CSMD1: variants seen among roughly 807,000 people sequenced by gnomAD.
CSMD1 encodes CUB and sushi domain-containing protein 1.
CSMD1 carries 213 observed loss-of-function variants against 417.5 expected under a neutral mutation model. That is an observed-to-expected ratio of 0.51 (90% CI 0.46 to 0.57). The LOEUF is 0.57. Among genes scored for constraint, CSMD1 ranks in the 20% least tolerant of loss-of-function variants. The probability of loss-of-function intolerance (pLI) is 0.00; values close to 1 mark genes in which losing one functional copy is unlikely to be tolerated. For missense variants in CSMD1, 6,923 were observed against 4,529.7 expected (o/e 1.53, Z -15.17); for synonymous variants, 2,862 against 1,736.8 (o/e 1.65, Z -16.11).
chr8:3,350,937 C>A (rs561473335), intron 21 of CSMD1, among the ~76,000 whole-genome samples: 1 of 152,220 alleles, frequency 6.6e-6, no homozygotes, highest in African/African-American at 2.4e-5. Context: ...CAAAATTAAC[C>A]ATCCCGTTGT....
At chr8:4,792,755 T>C (rs1416475287) in intron 1 of CSMD1, among the ~76,000 whole-genome samples, 1 of 152,176 alleles carries the variant, frequency 6.6e-6, no homozygotes, top group African/African-American at 2.4e-5. Flanking sequence ...TGCCCATTAC[T>C]ACGGGGTGTT....
chr8:4,281,962 G>A (rs1447715512), intron 3 of CSMD1, among the ~76,000 whole-genome samples: 2 of 152,136 alleles, frequency 1.3e-5, no homozygotes, highest in Non-Finnish European at 1.5e-5. Flanking sequence ...GCTTGATCAG[G>A]TTTACCAATT....
At chr8:3,432,380 G>A (rs918760185) in intron 12 of CSMD1, among the ~76,000 whole-genome samples, 3 of 152,074 alleles carry the variant, frequency 2.0e-5, no homozygotes, top group Admixed American at 6.5e-5. Context: ...TTTATACCAC[G>A]ACAGTTCCTG....
chr8:3,556,758 C>T (rs1799173223), intron 10 of CSMD1, among the ~76,000 whole-genome samples: 1 of 152,106 alleles, frequency 6.6e-6, no homozygotes, highest in South Asian at 2.1e-4. Context: ...AGCTTTCAAG[C>T]CTAGCTGCTC....
chr8:2,956,660 G>A lies in CSMD1; in HGVS notation c.9815-892C>T, dbSNP rs1024479382. ...TTTAGTAGAGATGGGATTTCACCAT[G>A]TTAGCCAGGATGGTCTCGATCTCCT... On this transcript the variant is annotated intron_variant, in intron 63 of 69. Coordinates refer to ENST00000635120, the MANE Select transcript of CSMD1 (RefSeq NM_033225.6). 3.9e-5 allele frequency among the ~76,000 whole-genome samples: 6 copies of A among 151,906 alleles called. No individual in the cohort carries two copies. In the South Asian group the frequency reaches 6.2e-4, roughly 16 times the overall value.
intron 53 of CSMD1, among the ~76,000 whole-genome samples, chr8:2,999,288 T>A (rs545069861): frequency 5.9e-4 from 90 of 151,928 alleles, no homozygotes; most frequent in African/African-American, 2.0e-3. Context: ...TCCTAGTAGC[T>A]GGGATTACAG....
intron 6 of CSMD1, among the ~76,000 whole-genome samples, chr8:3,720,450 A>T (rs967803445): frequency 2.0e-5 from 3 of 152,202 alleles, no homozygotes; most frequent in African/African-American, 7.2e-5. Context: ...ACTTCAACAG[A>T]ATACATGTGT....
chr8:4,398,589 G>T (rs1300964330), intron 3 of CSMD1, among the ~76,000 whole-genome samples: 4 of 151,698 alleles, frequency 2.6e-5, no homozygotes, highest in African/African-American at 4.8e-5. Flanking sequence ...TAGAGACGGG[G>T]TTTCACCGTG....
At chr8:4,103,445 A>G (rs1001971315) in intron 3 of CSMD1, among the ~76,000 whole-genome samples, 1 of 151,120 alleles carries the variant, frequency 6.6e-6, no homozygotes, top group Non-Finnish European at 1.5e-5. Flanking sequence ...AAAAAAGGGT[A>G]CCATAACATC....
At chr8:4,730,893 T>G (rs543156106) in intron 1 of CSMD1, among the ~76,000 whole-genome samples, 1 of 140,414 alleles carries the variant, frequency 7.1e-6, no homozygotes, top group African/African-American at 2.5e-5. Flanking sequence ...GGCTTTCCTG[T>G]GACTAAACCG....
At chr8:3,071,560 T>C (rs143767547) in intron 49 of CSMD1, among the ~76,000 whole-genome samples, 15 of 152,092 alleles carry the variant, frequency 9.9e-5, no homozygotes, top group African/African-American at 1.7e-4. Flanking sequence ...TTTTTAAAAA[T>C]AGAAACTCAA....
At chr8:4,477,761 A>G (rs1356089151) in intron 2 of CSMD1, among the ~76,000 whole-genome samples, 1 of 152,140 alleles carries the variant, frequency 6.6e-6, no homozygotes, top group Non-Finnish European at 1.5e-5. Flanking sequence ...CTTACTCACA[A>G]TACTGTATTT....
chr8:4,624,421 T>A (rs1037324313), intron 2 of CSMD1, among the ~76,000 whole-genome samples: 3 of 152,096 alleles, frequency 2.0e-5, no homozygotes, highest in Non-Finnish European at 4.4e-5. Context: ...CCTTTCCCAA[T>A]CCTCTCTGGA....
intron 3 of CSMD1, among the ~76,000 whole-genome samples, chr8:4,037,065 C>T (rs1797660111): frequency 6.6e-6 from 1 of 152,054 alleles, no homozygotes; most frequent in African/African-American, 2.4e-5. Context: ...GCTGAGACAG[C>T]TCTGGCCACC....
chr8:3,917,122 T>C (rs2688314), intron 5 of CSMD1, among the ~76,000 whole-genome samples: 4,654 of 152,236 alleles, frequency 0.031, 238 homozygotes, highest in African/African-American at 0.11. Flanking sequence ...TCATAAAAGA[T>C]AGTCTAAGAG....
chr8:3,425,223 C>G (rs1419350405), intron 12 of CSMD1, among the ~76,000 whole-genome samples: 2 of 152,160 alleles, frequency 1.3e-5, no homozygotes, highest in Non-Finnish European at 2.9e-5. Context: ...ATACATATGG[C>G]TTGGTTTCAG....
At chr8:4,259,893 C>T (rs1765825541) in intron 3 of CSMD1, among the ~76,000 whole-genome samples, 1 of 152,090 alleles carries the variant, frequency 6.6e-6, no homozygotes, top group South Asian at 2.1e-4. Context: ...TTTTTTGCTA[C>T]CGCATAGTCT....
At chr8:4,430,351 T>A (rs1396444099) in intron 2 of CSMD1, among the ~76,000 whole-genome samples, 1 of 152,158 alleles carries the variant, frequency 6.6e-6, no homozygotes, top group Admixed American at 6.6e-5. Flanking sequence ...CCTAAAAGGC[T>A]TACATCATTA....
chr8:3,001,697 T>C (rs1444213380), intron 52 of CSMD1, among the ~76,000 whole-genome samples: 1 of 152,208 alleles, frequency 6.6e-6, no homozygotes, highest in East Asian at 1.9e-4. Context: ...TTTGAAGTTA[T>C]AGAAAGAAAC....
Sources: gnomAD v4.1 joint callset for allele counts (sites outside exome capture counted in the v4.1 genomes callset) on GRCh38, gnomAD v4.1.1 for gene constraint, MANE v1.5 for transcripts, NCBI Gene and HGNC (gene_info 2026-07-23, HGNC 2026-07-21) for gene names.